LRP5: variants seen among roughly 807,000 people sequenced by gnomAD.
The protein encoded by LRP5 is low-density lipoprotein receptor-related protein 5.
Under a neutral mutation model 154.1 loss-of-function variants are expected in LRP5, and 62 were observed. That is an observed-to-expected ratio of 0.40 (90% CI 0.33 to 0.50). The LOEUF is 0.50. Ranked by LOEUF, LRP5 falls within the 20% of genes least tolerant of loss-of-function variation. The pLI, the probability that LRP5 is intolerant of heterozygous loss-of-function variation, is 0.55. For missense variants in LRP5, 1,915 were observed against 2,336.7 expected, an observed-to-expected ratio of 0.82 and a Z score of 3.72; for synonymous variants, 966 against 1,011.5, an observed-to-expected ratio of 0.96 and a Z score of 0.85.
intron 8 of LRP5, 175 bp downstream of exon 8, chr11:68,403,874 T>C: frequency 1.5e-6 from 1 of 688,388 alleles, no homozygotes; most frequent in Admixed American, 2.6e-5. Flanking sequence ...CCAAGGGAGC[T>C]GATTAGGGAG....
chr11:68,355,501 C>T (rs986322867), intron 2 of LRP5, among the ~76,000 whole-genome samples: 12 of 152,230 alleles, frequency 7.9e-5, no homozygotes, highest in Non-Finnish European at 1.8e-4. Context: ...CTCATCCCAG[C>T]TGGCTGGGAT....
At chr11:68,374,312 G>A (rs918127495) in intron 5 of LRP5, among the ~76,000 whole-genome samples, 1 of 152,220 alleles carries the variant, frequency 6.6e-6, no homozygotes, top group Non-Finnish European at 1.5e-5. Context: ...TGGCTGTCTT[G>A]TCACTTATCA....
chr11:68,360,158 C>T (rs1223495403), intron 3 of LRP5, among the ~76,000 whole-genome samples: 3 of 152,088 alleles, frequency 2.0e-5, no homozygotes, highest in South Asian at 2.1e-4. Flanking sequence ...ACCACAGGCA[C>T]GTACCACCAC....
Position 68,403,704 on chromosome 11 carries a change from G to A in LRP5, c.1801+5G>A. 1 of 1,612,910 alleles carries A rather than the reference G, an allele frequency of 6.2e-7. No individual in the cohort carries two copies. The highest frequency in any genetic ancestry group is 1.1e-5 in the South Asian group (1 of 91,026). Reference sequence around the variant, plus strand: ...TGAATGTGGCCAAGGTCGTCGGTGAGTCCGGGGGGTCCCAAGCCATGGCTC... The same window carrying A: ...TGAATGTGGCCAAGGTCGTCGGTGAATCCGGGGGGTCCCAAGCCATGGCTC... On this transcript the variant is annotated splice_donor_5th_base_variant and intron_variant, in intron 8 of 22. Transcript: ENST00000294304.
At position 68,423,582 on chromosome 11, in the gene LRP5, A is replaced by T. The variant is rs748409889; in HGVS notation, c.3121A>T (p.Thr1041Ser). ...IDIYSRTLFW[T>S]CEATNTINVH... ...CATCTACAGCCGGACACTGTTCTGG[A>T]CGTGCGAGGCCACCAATACCATCAA... is the stretch of plus-strand genomic sequence containing the variant. The change falls in exon 14 of 23, where the codon ACG becomes TCG. Residue 1041 changes from threonine (T) to serine (S), a missense_variant. Coordinates refer to ENST00000294304, the MANE Select transcript of LRP5 (RefSeq NM_002335.4). The surrounding 1 kb of genome is among the most constrained non-coding windows in gnomAD (Gnocchi z 4.7). 6.2e-7 allele frequency: 1 copy of T among 1,614,210 alleles called. No individual in the cohort carries two copies. The highest frequency in any genetic ancestry group is 2.2e-5 in the East Asian group (1 of 44,882).
At chr11:68,332,629 G>A (rs562801572) in intron 1 of LRP5, among the ~76,000 whole-genome samples, 4 of 152,200 alleles carry the variant, frequency 2.6e-5, no homozygotes, top group African/African-American at 7.2e-5. Context: ...GGTTTTTAGG[G>A]GTGGGAATGG....
At chr11:68,440,909 C>T (rs1047469500) in intron 21 of LRP5, among the ~76,000 whole-genome samples, 4 of 152,266 alleles carry the variant, frequency 2.6e-5, no homozygotes, top group African/African-American at 7.2e-5. Context: ...GCTGGGATTA[C>T]AGGCATGTGC....
intron 2 of LRP5, among the ~76,000 whole-genome samples, chr11:68,350,151 C>T (rs1457997523): frequency 6.6e-6 from 1 of 152,232 alleles, no homozygotes; most frequent in African/African-American, 2.4e-5. Context: ...ATTCTCCTGC[C>T]TCAGCCTCCT....
At chr11:68,343,200 C>T (rs935326818) in intron 1 of LRP5, among the ~76,000 whole-genome samples, 2 of 152,178 alleles carry the variant, frequency 1.3e-5, no homozygotes, top group Non-Finnish European at 2.9e-5. Context: ...GGGCTCGCTG[C>T]CTCCCGAGAC....
At chr11:68,390,341 G>C (rs115378959) in intron 7 of LRP5, among the ~76,000 whole-genome samples, 1 of 152,360 alleles carries the variant, frequency 6.6e-6, no homozygotes, top group African/African-American at 2.4e-5. Flanking sequence ...TTTGAGGCCA[G>C]CCCGGGCAAA....
At chr11:68,407,542 A>G (rs1269015128) in intron 9 of LRP5, among the ~76,000 whole-genome samples, 1 of 150,608 alleles carries the variant, frequency 6.6e-6, no homozygotes, top group African/African-American at 2.4e-5. Flanking sequence ...TGATTCTGTA[A>G]AGAAAGTTTG....
At chr11:68,336,097 C>G (rs1197733386) in intron 1 of LRP5, among the ~76,000 whole-genome samples, 1 of 152,182 alleles carries the variant, frequency 6.6e-6, no homozygotes, top group Admixed American at 6.5e-5. Flanking sequence ...CACCAGAGCC[C>G]AGGTCTGGGT....
intron 1 of LRP5, among the ~76,000 whole-genome samples, chr11:68,338,464 G>A (rs918064012): frequency 6.6e-6 from 1 of 152,188 alleles, no homozygotes; most frequent in East Asian, 1.9e-4. Flanking sequence ...ATTCTGCTCC[G>A]GGTAGGACTG....
At chr11:68,436,745 T>C (rs1024789901) in intron 18 of LRP5, 144 bp from the exon 19 acceptor site, 4 of 637,396 alleles carry the variant, frequency 6.3e-6, no homozygotes, top group Non-Finnish European at 1.1e-5. Context: ...GGGTGGAGAC[T>C]GTACTAGACC....
At position 68,426,009 on chromosome 11, in the gene LRP5, C is replaced by T. The variant is rs763601638; in HGVS notation, c.3459C>T (p.Asn1153=). 9.3e-6 allele frequency: 15 copies of T among 1,612,820 alleles called. No individual in the cohort carries two copies. In the South Asian group the frequency reaches 1.2e-4, roughly 13 times the overall value. Residue 1153 remains asparagine (N), a synonymous_variant, in exon 16 of 23, where the codon AAC becomes AAT. Transcript: ENST00000294304. Reference sequence around the variant, plus strand: ...ACCGCCTGACCCTGGAGGACGCCAACATCGTGCAGCCTCTGGGCCTGACCA... The same window carrying T: ...ACCGCCTGACCCTGGAGGACGCCAATATCGTGCAGCCTCTGGGCCTGACCA... ...GANRLTLEDA[N]IVQPLGLTIL... is the part of the protein sequence containing the mutation.
chr11:68,309,822 G>C (rs1236803856), upstream of LRP5, among the ~76,000 whole-genome samples: 1 of 152,096 alleles, frequency 6.6e-6, no homozygotes, highest in East Asian at 1.9e-4. Flanking sequence ...CTCTCTCCTG[G>C]CTGCTACCAT....
At position 68,386,229 on chromosome 11, in the gene LRP5, T is replaced by G; in HGVS notation, c.1016-87T>G. On this transcript the variant is annotated intron_variant, in intron 5 of 22. Coordinates refer to ENST00000294304, the MANE Select transcript of LRP5 (RefSeq NM_002335.4). The surrounding 1 kb of genome is among the most constrained non-coding windows in gnomAD (Gnocchi z 7.9). ...GGAGAGCCCTGGGGGCCTGGCTGAG[T>G]ATTTCCCTTGCCCGGCCCACCCCAG... The G allele has an allele frequency of 6.5e-7, 1 of 1,539,058 alleles. No homozygotes were observed. The highest frequency in any genetic ancestry group is 1.7e-5 in the Admixed American group (1 of 59,792).
At chr11:68,304,805 G>C in the LRP5 span, among the ~76,000 whole-genome samples, 1 of 152,244 alleles carries the variant, frequency 6.6e-6, no homozygotes, top group Non-Finnish European at 1.5e-5. Context: ...GGGGCCTATA[G>C]CCCCTTTCTT....
chr11:68,443,564 T>TAC (rs2098679533), intron 21 of LRP5, among the ~76,000 whole-genome samples: 1 of 36,424 alleles, frequency 2.7e-5, no homozygotes. Context: ...TATATATATA[T>TAC]ATATATATAT....
Sources: gnomAD v4.1 joint callset for allele counts (sites outside exome capture counted in the v4.1 genomes callset) on GRCh38, gnomAD v4.1.1 for gene constraint, Gnocchi (gnomAD v3.1) non-coding constraint, MANE v1.5 for transcripts, NCBI Gene and HGNC (gene_info 2026-07-23, HGNC 2026-07-21) for gene names.